Variants in GPHN observed in about 807,000 individuals in gnomAD.
GPHN encodes the protein gephyrin.
Under a neutral mutation model 95.5 loss-of-function variants are expected in GPHN, and 17 were observed. The observed-to-expected ratio is 0.18, with a 90% CI of 0.12 to 0.27. The LOEUF is 0.27. GPHN is among the 10% of genes least tolerant of loss of function. The probability of loss-of-function intolerance (pLI) is 1.00; values close to 1 mark genes in which losing one functional copy is unlikely to be tolerated. For synonymous variants in GPHN, 320 were observed against 322.5 expected (o/e 0.99, Z 0.08); for missense variants, 660 against 978.1 (o/e 0.67, Z 4.34).
At chr14:67,651,789 T>C in the GPHN span, 1 of 257,812 alleles carries the variant, frequency 3.9e-6, no homozygotes, top group Admixed American at 5.1e-5. Context: ...CTAGAAAAAG[T>C]AATCAAATAG....
Position 66,845,858 on chromosome 14 carries a change from T to G in GPHN, c.294+21292T>G, listed in dbSNP as rs533800363. Among the ~76,000 whole-genome samples the G allele has an allele frequency of 1.6e-3, 232 of 141,018 alleles. 2 individuals carry two copies. The highest frequency in any genetic ancestry group is 3.9e-3 in the Middle Eastern group (1 of 258). 92.5% of individuals were successfully genotyped at this position (141,018 alleles called of 152,430 possible). On this transcript the variant is annotated intron_variant, in intron 4 of 22. Transcript: ENST00000478722. ...GTGTGTGTGTGTGTGTGTGTGTGTGTGTCTGTGTGCGTGCGCACACGTGAA... is the reference window on the plus strand; with the variant it reads ...GTGTGTGTGTGTGTGTGTGTGTGTGGGTCTGTGTGCGTGCGCACACGTGAA...
chr14:66,611,258 G>C (rs957432941), intron 1 of GPHN, among the ~76,000 whole-genome samples: 15 of 152,088 alleles, frequency 9.9e-5, no homozygotes, highest in African/African-American at 3.6e-4. Flanking sequence ...TATGACTTCT[G>C]TTCACTAAGG....
intron 13 of GPHN, among the ~76,000 whole-genome samples, chr14:67,106,007 G>T (rs959874284): frequency 3.9e-5 from 6 of 152,014 alleles, no homozygotes; most frequent in Non-Finnish European, 8.8e-5. Flanking sequence ...TTATGCTTGT[G>T]TGTGTTTTTA....
chr14:67,138,398 T>C lies in GPHN; in HGVS notation c.1749-4964T>C, dbSNP rs745557187. ...CCTCCTATCATTGAGAAAATTAATA[T>C]ACCCTGCTTGCTTTATGTGAGAAAA... On this transcript the variant is annotated intron_variant, in intron 17 of 22. Coordinates refer to ENST00000478722, the MANE Select transcript of GPHN (RefSeq NM_020806.5). Among the ~76,000 whole-genome samples the C allele has an allele frequency of 3.9e-4, 60 of 152,184 alleles. 2 individuals carry two copies. Among genetic ancestry groups the C allele is most frequent in the Non-Finnish European group, 8.4e-4 (57 of 68,022 alleles).
intron 2 of GPHN, among the ~76,000 whole-genome samples, chr14:66,771,559 G>A (rs970314834): frequency 6.6e-6 from 1 of 152,132 alleles, no homozygotes; most frequent in South Asian, 2.1e-4. Flanking sequence ...TACGGCCAAG[G>A]TGGCATTGCA....
At chr14:66,910,033 A>C (rs1201690944) in intron 5 of GPHN, among the ~76,000 whole-genome samples, 1 of 151,952 alleles carries the variant, frequency 6.6e-6, no homozygotes, top group Non-Finnish European at 1.5e-5. Context: ...CATTTCATCA[A>C]AATGGATTTA....
At chr14:66,589,794 T>C (rs1407858168) in intron 1 of GPHN, among the ~76,000 whole-genome samples, 1 of 152,124 alleles carries the variant, frequency 6.6e-6, no homozygotes, top group Non-Finnish European at 1.5e-5. Context: ...TTAATAAGGA[T>C]ATTCAGGATT....
rs1567401152 is a variant in GPHN, at chr14:67,144,284, T to TACAC, written c.1836+836_1836+837insCACA. On this transcript the variant is annotated intron_variant, in intron 18 of 22. Coordinates refer to ENST00000478722, the MANE Select transcript of GPHN (RefSeq NM_020806.5). ...ATATATATATATATATATATATATA[T>TACAC]ATACACACACACATACACAAATATT... Among the ~76,000 whole-genome samples the TACAC allele has an allele frequency of 2.8e-5, 3 of 105,612 alleles. No homozygotes were observed. In the East Asian group the frequency reaches 7.6e-4, roughly 27 times the overall value. 69.3% of individuals were successfully genotyped at this position (105,612 alleles called of 152,430 possible).
intron 1 of GPHN, among the ~76,000 whole-genome samples, chr14:66,575,260 A>G (rs1259306227): frequency 2.0e-5 from 3 of 152,066 alleles, no homozygotes; most frequent in African/African-American, 4.8e-5. Flanking sequence ...GTATTCTCAC[A>G]TGCTCTCCTA....
chr14:67,050,226 GTC>G (rs1205391341), intron 10 of GPHN, among the ~76,000 whole-genome samples: 1 of 152,046 alleles, frequency 6.6e-6, no homozygotes, highest in Non-Finnish European at 1.5e-5. Context: ...TATACTATAG[GTC>G]TATAAAAAAG....
intron 10 of GPHN, among the ~76,000 whole-genome samples, chr14:67,050,930 G>A (rs570897378): frequency 4.6e-5 from 7 of 152,324 alleles, no homozygotes; most frequent in South Asian, 4.1e-4. Context: ...GTGCTACCCC[G>A]CCTGGGGAAC....
chr14:67,176,535 C>A (rs1303381000), intron 21 of GPHN, among the ~76,000 whole-genome samples: 1 of 152,032 alleles, frequency 6.6e-6, no homozygotes, highest in African/African-American at 2.4e-5. Context: ...GCCTAAAATT[C>A]TCTTTTTTTG....
intron 1 of GPHN, among the ~76,000 whole-genome samples, chr14:66,538,843 A>G (rs1428490379): frequency 6.6e-6 from 1 of 151,566 alleles, no homozygotes; most frequent in African/African-American, 2.4e-5. Context: ...GAAATACAAT[A>G]TATGAAATTA....
chr14:67,587,481 C>G, the GPHN span: 1 of 527,530 alleles, frequency 1.9e-6, no homozygotes, highest in Admixed American at 3.2e-5. Context: ...AATAATGACT[C>G]CAGATGCTAC....
chr14:66,529,256 G>A (rs532185701), intron 1 of GPHN, among the ~76,000 whole-genome samples: 5 of 151,106 alleles, frequency 3.3e-5, no homozygotes, highest in South Asian at 2.1e-4. Flanking sequence ...TGATCAATTC[G>A]GCTGTTGATA....
At chr14:66,514,323 C>G (rs2058156210) in intron 1 of GPHN, among the ~76,000 whole-genome samples, 1 of 147,934 alleles carries the variant, frequency 6.8e-6, no homozygotes, top group East Asian at 1.9e-4. Flanking sequence ...GCGTTATTGA[C>G]ACTTCATGGC....
chr14:67,572,733 C>A, the GPHN span, among the ~76,000 whole-genome samples: 1 of 152,166 alleles, frequency 6.6e-6, no homozygotes, highest in South Asian at 2.1e-4. Flanking sequence ...TGTGCCACTA[C>A]ATGCCAGGGC....
At chr14:67,517,867 C>A in the GPHN span, among the ~76,000 whole-genome samples, 1 of 152,186 alleles carries the variant, frequency 6.6e-6, no homozygotes, top group Non-Finnish European at 1.5e-5. Context: ...AAACTCAGGT[C>A]TTCTGGTACC....
chr14:67,475,931 ACAGGCCAGTGCTTTGTGGCCTTGACG>A, the GPHN span, among the ~76,000 whole-genome samples: 1 of 152,240 alleles, frequency 6.6e-6, no homozygotes, highest in Non-Finnish European at 1.5e-5. Context: ...TGACTGTTGC[ACAGGCCAGTGCTTTGTGGCCTTGACG>A]CAGGCCCGTC....
Sources: gnomAD v4.1 joint callset for allele counts (sites outside exome capture counted in the v4.1 genomes callset) on GRCh38, gnomAD v4.1.1 for gene constraint, MANE v1.5 for transcripts, NCBI Gene and HGNC (gene_info 2026-07-23, HGNC 2026-07-21) for gene names.